Variants in LYSMD2 observed in about 807,000 individuals in gnomAD.
The protein encoded by LYSMD2 is lysM and putative peptidoglycan-binding domain-containing protein 2.
Under a neutral mutation model 17.7 loss-of-function variants are expected in LYSMD2, and 6 were observed. The ratio of observed to expected loss-of-function variants is 0.34; its 90% confidence interval spans 0.19 to 0.67. The LOEUF is 0.67. Ranked by LOEUF, LYSMD2 falls within the 30% of genes least tolerant of loss-of-function variation. The pLI, the probability that LYSMD2 is intolerant of heterozygous loss-of-function variation, is 0.69. For synonymous variants in LYSMD2, 102 were observed against 129.8 expected (o/e 0.79, Z 1.45); for missense variants, 237 against 286.7 (o/e 0.83, Z 1.25).
chr15:51,749,740 G>T (rs2055687341), intron 1 of LYSMD2, among the ~76,000 whole-genome samples: 1 of 152,188 alleles, frequency 6.6e-6, no homozygotes, highest in African/African-American at 2.4e-5. Context: ...TTATTTAACA[G>T]AAGGCTATGA....
chr15:51,738,276 C>G (rs973160753), upstream of LYSMD2: 1 of 152,160 alleles, frequency 6.6e-6, no homozygotes, highest in African/African-American at 2.4e-5. Flanking sequence ...AGGGATAGTG[C>G]TTCTAAGGCC....
rs2055619767 is a variant in LYSMD2 at position 51,737,589 on chromosome 15, C to T, written c.34G>A (p.Glu12Lys). Reference protein sequence around the residue: ...ADSSPALSLREGGPRAPRPSA... With the variant: ...ADSSPALSLRKGGPRAPRPSA... Reference sequence around the variant, plus strand: ...GGCCGCGGCGCGCGGGGGCCGCCTTCCCGCAGGGACAGTGCGGGCGAGGAA... The same window carrying T: ...GGCCGCGGCGCGCGGGGGCCGCCTTTCCGCAGGGACAGTGCGGGCGAGGAA... Residue 12 changes from glutamate to lysine, a missense_variant, in exon 1 of 3, where the codon GAA (glutamate) becomes AAA (lysine). Coordinates refer to ENST00000267838, the MANE Select transcript of LYSMD2 (RefSeq NM_153374.3). This position sits in a 1 kb window ranked among gnomAD's most constrained non-coding sequence, Gnocchi z 4.2. 13 of 1,215,704 alleles carry T rather than the reference C, an allele frequency of 1.1e-5. No homozygotes were observed. The highest frequency in any genetic ancestry group is 1.3e-5 in the Non-Finnish European group (13 of 979,196). The allele number at this position is 1,215,704 out of a possible 1,614,324, so 75.3% of individuals were successfully genotyped here.
rs1277828124 is a variant in LYSMD2 at position 51,737,227 on chromosome 15, C to G, written c.273+123G>C. The G allele has an allele frequency of 1.4e-6, 1 of 694,842 alleles. No homozygotes were observed. Among genetic ancestry groups the G allele is most frequent in the African/African-American group, 1.8e-5 (1 of 56,900 alleles). 43.0% of individuals were successfully genotyped at this position (694,842 alleles called of 1,614,324 possible). ...GCCGCCCGGGGACGCACGGCCGTCCCTGCGACTCCCCATCCCCCAAACCCC... is the reference window on the plus strand; with the variant it reads ...GCCGCCCGGGGACGCACGGCCGTCCGTGCGACTCCCCATCCCCCAAACCCC... On this transcript the variant is annotated intron_variant, in intron 1 of 2. Transcript: ENST00000267838. This position sits in a 1 kb window ranked among gnomAD's most constrained non-coding sequence, Gnocchi z 4.2.
chr15:51,731,574 G>T (rs189456585), intron 1 of LYSMD2, among the ~76,000 whole-genome samples: 2 of 152,338 alleles, frequency 1.3e-5, no homozygotes, highest in Admixed American at 6.5e-5. Context: ...AATAAAACTG[G>T]CTAGGAAGTA....
chr15:51,724,752 T>A (rs1206974565), intron 2 of LYSMD2, 38 bp downstream of exon 2: 1 of 1,445,934 alleles, frequency 6.9e-7, no homozygotes, highest in Admixed American at 2.0e-5. Flanking sequence ...TAATAGTGAT[T>A]TATTTAGACT....
upstream of LYSMD2, among the ~76,000 whole-genome samples, chr15:51,741,285 G>T (rs2055641624): frequency 6.6e-6 from 1 of 152,204 alleles, no homozygotes; most frequent in African/African-American, 2.4e-5. Flanking sequence ...AATAAATGTT[G>T]CTGGAACAGT....
chr15:51,729,709 C>A (rs1237947647), intron 1 of LYSMD2, among the ~76,000 whole-genome samples: 4 of 152,214 alleles, frequency 2.6e-5, no homozygotes, highest in Admixed American at 1.3e-4. Context: ...CCACCTGCCT[C>A]GGTCTCCCAA....
At chr15:51,742,916 C>A (rs74794968) in intron 1 of LYSMD2, among the ~76,000 whole-genome samples, 9,005 of 152,216 alleles carry the variant, frequency 0.059, 343 homozygotes, top group East Asian at 0.095. Context: ...GAGCCATGAT[C>A]GCCCCACTGC....
At chr15:51,727,060 G>A (rs2055544580) in intron 1 of LYSMD2, among the ~76,000 whole-genome samples, 1 of 152,084 alleles carries the variant, frequency 6.6e-6, no homozygotes, top group South Asian at 2.1e-4. Context: ...ATGGACAGGT[G>A]GATGGAAGGA....
chr15:51,741,688 C>T (rs185923422), upstream of LYSMD2, among the ~76,000 whole-genome samples: 151 of 152,186 alleles, frequency 9.9e-4, no homozygotes, highest in African/African-American at 3.5e-3. Context: ...GGAAGGCCAA[C>T]GCAGGTGGAT....
chr15:51,742,717 A>G (rs948494305), intron 1 of LYSMD2, among the ~76,000 whole-genome samples: 14 of 152,142 alleles, frequency 9.2e-5, no homozygotes, highest in African/African-American at 3.4e-4. Flanking sequence ...CAGCACTTTA[A>G]GAGGCTGAGG....
At chr15:51,724,560 A>C (rs1266034874) in intron 2 of LYSMD2, among the ~76,000 whole-genome samples, 1 of 152,152 alleles carries the variant, frequency 6.6e-6, no homozygotes, top group African/African-American at 2.4e-5. Context: ...TATACTAAAA[A>C]TGCCTTTCTA....
upstream of LYSMD2, among the ~76,000 whole-genome samples, chr15:51,740,253 C>T (rs2055636186): frequency 6.6e-6 from 1 of 152,200 alleles, no homozygotes; most frequent in Admixed American, 6.5e-5. Flanking sequence ...GCCACCACGC[C>T]TGGCCAGGCC....
At chr15:51,732,637 G>T (rs931300634) in intron 1 of LYSMD2, among the ~76,000 whole-genome samples, 1 of 152,216 alleles carries the variant, frequency 6.6e-6, no homozygotes, top group Non-Finnish European at 1.5e-5. Flanking sequence ...TCCATCAGGT[G>T]TCAGGCCTAG....
At position 51,737,537 on chromosome 15, in the gene LYSMD2, G is replaced by A. The variant is rs1006057760; in HGVS notation, c.86C>T (p.Ser29Leu). 2.4e-6 allele frequency: 3 copies of A among 1,236,548 alleles called. No homozygotes were observed. The highest frequency in any genetic ancestry group is 3.0e-6 in the Non-Finnish European group (3 of 993,118). 76.6% of individuals were successfully genotyped at this position (1,236,548 alleles called of 1,614,324 possible). The change falls in exon 1 of 3, where the codon TCG becomes TTG. Residue 29 changes from serine (S) to leucine (L), a missense_variant. Transcript: ENST00000267838. The surrounding 1 kb of genome is among the most constrained non-coding windows in gnomAD (Gnocchi z 4.2). The part of the protein sequence containing the change: ...RPSAPSPPPR[S>L]RSGSESEEAE... ...CTCCTCGGACTCGGAGCCGGAGCGC[G>A]AGCGCGGCGGCGGCGAGGGGGCCGA...
chr15:51,751,167 T>C, intron 1 of LYSMD2: 1 of 670,726 alleles, frequency 1.5e-6, no homozygotes, highest in Non-Finnish European at 2.7e-6. Context: ...CTTGCTAACT[T>C]CCACCTCGCT....
chr15:51,726,645 T>C (rs994467197), intron 1 of LYSMD2, among the ~76,000 whole-genome samples: 3 of 152,234 alleles, frequency 2.0e-5, no homozygotes, highest in Non-Finnish European at 4.4e-5. Context: ...CCTGGCACCT[T>C]GTGGAATCTG....
At chr15:51,724,378 C>T (rs1465972013) in intron 2 of LYSMD2, among the ~76,000 whole-genome samples, 1 of 152,162 alleles carries the variant, frequency 6.6e-6, no homozygotes, top group Admixed American at 6.5e-5. Flanking sequence ...GACACTACTT[C>T]TCTTGAAAGT....
intron 1 of LYSMD2, among the ~76,000 whole-genome samples, chr15:51,749,514 G>C (rs532033709): frequency 1.7e-4 from 26 of 152,262 alleles, no homozygotes; most frequent in African/African-American, 6.0e-4. Context: ...TCCTTTCATG[G>C]CTAGTTTCTG....
Sources: gnomAD v4.1 joint callset for allele counts (sites outside exome capture counted in the v4.1 genomes callset) on GRCh38, gnomAD v4.1.1 for gene constraint, Gnocchi (gnomAD v3.1) non-coding constraint, MANE v1.5 for transcripts, NCBI Gene and HGNC (gene_info 2026-07-23, HGNC 2026-07-21) for gene names.